The following C8orf34 variants were observed in gnomAD, a reference collection of about 807,000 sequenced individuals.
C8orf34 encodes chromosome 8 open reading frame 34, also known as uncharacterized protein C8orf34.
Under a neutral mutation model 68.3 loss-of-function variants are expected in C8orf34, and 65 were observed. The ratio of observed to expected loss-of-function variants is 0.95; its 90% CI spans 0.78 to 1.17. The LOEUF (loss-of-function observed/expected upper bound fraction) is 1.17. C8orf34 is among the 50% of genes most tolerant of loss of function. C8orf34 has a pLI of 0.00. For synonymous variants in C8orf34, 244 were observed against 241.2 expected (o/e 1.01, Z -0.11); for missense variants, 664 against 655.4 (o/e 1.01, Z -0.14).
chr8:68,480,194 T>C (rs908306538), intron 4 of C8orf34, among the ~76,000 whole-genome samples: 1 of 152,152 alleles, frequency 6.6e-6, no homozygotes, highest in African/African-American at 2.4e-5. Context: ...GCTTTTCCTG[T>C]GCTATTCTCA....
At chr8:68,335,875 T>TGGATCAC (rs1805826268) in intron 1 of C8orf34, among the ~76,000 whole-genome samples, 2 of 151,266 alleles carry the variant, frequency 1.3e-5, no homozygotes, top group Non-Finnish European at 2.9e-5. Flanking sequence ...AGGTCAGGAG[T>TGGATCAC]TTGAGACCAA....
chr8:68,720,427 T>C (rs1821638232), intron 9 of C8orf34, among the ~76,000 whole-genome samples: 1 of 151,950 alleles, frequency 6.6e-6, no homozygotes, highest in Non-Finnish European at 1.5e-5. Context: ...GATTTCATGC[T>C]CTAATTCTCT....
chr8:68,534,538 C>T, intron 7 of C8orf34: 1 of 802,850 alleles, frequency 1.2e-6, no homozygotes, highest in Non-Finnish European at 1.5e-6. Context: ...AGGGGTAACA[C>T]CTAAAGCAGA....
At chr8:68,395,361 TCACACACA>T (rs61037782) in intron 1 of C8orf34, among the ~76,000 whole-genome samples, 22 of 77,774 alleles carry the variant, frequency 2.8e-4, no homozygotes, top group Middle Eastern at 7.5e-3. Context: ...TGTGTGTCTC[TCACACACA>T]CACACACACA....
intron 7 of C8orf34, among the ~76,000 whole-genome samples, chr8:68,630,892 A>ATGCCTCATGGGCTCAAGTGCCCTG (rs923442805): frequency 2.0e-5 from 3 of 146,538 alleles, no homozygotes; most frequent in Admixed American, 6.8e-5. Flanking sequence ...TGATCCTCCC[A>ATGCCTCATGGGCTCAAGTGCCCTG]CCTCAGCCTC....
At chr8:68,658,793 C>A (rs1049961003) in intron 8 of C8orf34, among the ~76,000 whole-genome samples, 5 of 152,006 alleles carry the variant, frequency 3.3e-5, no homozygotes, top group Non-Finnish European at 5.9e-5. Flanking sequence ...TCTCTATGTT[C>A]TTAAATTATG....
intron 1 of C8orf34, among the ~76,000 whole-genome samples, chr8:68,349,941 G>A (rs916459185): frequency 2.0e-5 from 3 of 151,310 alleles, no homozygotes; most frequent in Non-Finnish European, 4.4e-5. Context: ...TCTTTTGAAA[G>A]GTTTTTTTCT....
At chr8:68,705,775 C>T (rs548569453) in intron 8 of C8orf34, among the ~76,000 whole-genome samples, 5 of 150,210 alleles carry the variant, frequency 3.3e-5, no homozygotes, top group African/African-American at 1.2e-4. Context: ...TGTTCATATG[C>T]TGTGGGAAAT....
chr8:68,362,527 G>C (rs1807048351), intron 1 of C8orf34, among the ~76,000 whole-genome samples: 1 of 152,176 alleles, frequency 6.6e-6, no homozygotes, highest in African/African-American at 2.4e-5. Context: ...GAGAGCAGTG[G>C]TTCTCCCAGC....
chr8:68,586,512 A>G (rs1320414202), intron 7 of C8orf34, among the ~76,000 whole-genome samples: 1 of 152,158 alleles, frequency 6.6e-6, no homozygotes, highest in African/African-American at 2.4e-5. Flanking sequence ...CTATTAATCC[A>G]TTTAATCAGT....
intron 5 of C8orf34, among the ~76,000 whole-genome samples, chr8:68,489,276 C>T (rs1464301750): frequency 6.6e-6 from 1 of 152,136 alleles, no homozygotes; most frequent in African/African-American, 2.4e-5. Flanking sequence ...TTGGTGAATA[C>T]TGCTCTAGAT....
At chr8:68,533,722 T>A (rs74994700) in intron 7 of C8orf34, 5 of 945,518 alleles carry the variant, frequency 5.3e-6, no homozygotes, top group Non-Finnish European at 5.0e-6. Context: ...TCTTTTTATA[T>A]TTTTTAATGT....
intron 1 of C8orf34, among the ~76,000 whole-genome samples, chr8:68,437,231 T>G (rs932827089): frequency 2.6e-5 from 4 of 152,200 alleles, no homozygotes; most frequent in Admixed American, 1.3e-4. Flanking sequence ...AAATAATCCA[T>G]CTTCTAAAGA....
At chr8:68,660,693 G>A (rs891877752) in intron 8 of C8orf34, among the ~76,000 whole-genome samples, 3 of 152,140 alleles carry the variant, frequency 2.0e-5, no homozygotes, top group Non-Finnish European at 4.4e-5. Flanking sequence ...TAGGAGTTGT[G>A]TTTGGGACAA....
chr8:68,378,462 A>G (rs1325966210), intron 1 of C8orf34, among the ~76,000 whole-genome samples: 1 of 152,074 alleles, frequency 6.6e-6, no homozygotes, highest in Non-Finnish European at 1.5e-5. Flanking sequence ...ACGTCCAGCT[A>G]ATTTTTGTAG....
At chr8:68,785,126 C>T (rs1017741465) in intron 11 of C8orf34, among the ~76,000 whole-genome samples, 4 of 151,892 alleles carry the variant, frequency 2.6e-5, no homozygotes, top group Non-Finnish European at 4.4e-5. Context: ...AGGAGGATCA[C>T]TTGGGCCCTG....
chr8:68,787,728 C>A, intron 12 of C8orf34, 192 bp downstream of exon 12: 1 of 392,738 alleles, frequency 2.5e-6, no homozygotes, highest in East Asian at 3.9e-5. Context: ...AATTATGGTA[C>A]AGAGACTCAT....
At chr8:68,369,763 G>A (rs1807477101) in intron 1 of C8orf34, among the ~76,000 whole-genome samples, 1 of 152,158 alleles carries the variant, frequency 6.6e-6, no homozygotes, top group South Asian at 2.1e-4. Context: ...TTTACTAAAA[G>A]CCCCCAGGGG....
At chr8:68,378,374 G>T (rs1807894238) in intron 1 of C8orf34, among the ~76,000 whole-genome samples, 1 of 152,048 alleles carries the variant, frequency 6.6e-6, no homozygotes, top group Non-Finnish European at 1.5e-5. Flanking sequence ...GAGTGGAGTG[G>T]TACAATCTAG....
Sources: gnomAD v4.1 joint callset for allele counts (sites outside exome capture counted in the v4.1 genomes callset) on GRCh38, gnomAD v4.1.1 for gene constraint, MANE v1.5 for transcripts, NCBI Gene and HGNC (gene_info 2026-07-23, HGNC 2026-07-21) for gene names.